TUSC3: variants seen among roughly 807,000 people sequenced by gnomAD.
TUSC3 encodes the protein dolichyl-diphosphooligosaccharide--protein glycosyltransferase subunit TUSC3.
TUSC3 carries 45 observed loss-of-function variants against 44.8 expected under a neutral mutation model. The ratio of observed to expected loss-of-function variants is 1.00; its 90% CI spans 0.79 to 1.29. The LOEUF is 1.29. TUSC3 is among the 50% of genes most tolerant of loss of function. TUSC3 has a pLI of 0.00. For synonymous variants in TUSC3, 212 were observed against 152.9 expected (o/e 1.39, Z -2.85); for missense variants, 519 against 437.9 (o/e 1.19, Z -1.65).
At chr8:15,583,125 A>G (rs957030379) in intron 1 of TUSC3, among the ~76,000 whole-genome samples, 10 of 152,238 alleles carry the variant, frequency 6.6e-5, no homozygotes, top group African/African-American at 2.4e-4. Flanking sequence ...GGCAATAAGA[A>G]TAAACTAGAA....
chr8:15,493,925 T>C (rs1019282496), intron 2 of TUSC3, among the ~76,000 whole-genome samples: 14 of 152,186 alleles, frequency 9.2e-5, no homozygotes, highest in African/African-American at 3.1e-4. Flanking sequence ...CCAATAAATA[T>C]GCTGTAACCT....
At chr8:15,634,230 C>A (rs980726) in intron 2 of TUSC3, among the ~76,000 whole-genome samples, 2 of 152,012 alleles carry the variant, frequency 1.3e-5, no homozygotes, top group Non-Finnish European at 2.9e-5. Flanking sequence ...CAAATGGGAC[C>A]TTCATCATTA....
At chr8:15,651,057 T>C (rs1806882152) in intron 3 of TUSC3, 4 of 463,144 alleles carry the variant, frequency 8.6e-6, no homozygotes, top group Non-Finnish European at 7.8e-6. Flanking sequence ...GTAAATACAA[T>C]AAGTAGTTAT....
the TUSC3 span, among the ~76,000 whole-genome samples, chr8:15,824,781 C>T: frequency 1.3e-5 from 2 of 152,136 alleles, no homozygotes; most frequent in African/African-American, 4.8e-5. Context: ...GTTCACTGTC[C>T]TATGTCTTTT....
chr8:15,438,781 C>A (rs1799983590), intron 1 of TUSC3, among the ~76,000 whole-genome samples: 1 of 152,144 alleles, frequency 6.6e-6, no homozygotes, highest in South Asian at 2.1e-4. Flanking sequence ...GTAAATTTCT[C>A]CTGACAATCC....
intron 2 of TUSC3, among the ~76,000 whole-genome samples, chr8:15,487,598 A>T (rs1406608301): frequency 6.6e-6 from 1 of 152,224 alleles, no homozygotes. Context: ...TACACAAGAT[A>T]ACACCAGGTC....
intron 6 of TUSC3, among the ~76,000 whole-genome samples, chr8:15,688,553 T>TA (rs1241707027): frequency 1.3e-5 from 2 of 152,146 alleles, no homozygotes; most frequent in Admixed American, 1.3e-4. Flanking sequence ...ATCAGCATAG[T>TA]ACCCGATGGG....
At chr8:15,483,048 C>A (rs1156257808) in intron 1 of TUSC3, among the ~76,000 whole-genome samples, 1 of 152,048 alleles carries the variant, frequency 6.6e-6, no homozygotes, top group African/African-American at 2.4e-5. Flanking sequence ...TTAATATTTG[C>A]AGAACATCAT....
chr8:15,784,496 GTA>G, the TUSC3 span, among the ~76,000 whole-genome samples: 610 of 140,624 alleles, frequency 4.3e-3, 2 homozygotes, highest in Non-Finnish European at 7.3e-3. Context: ...AATGTTATGT[GTA>G]TGTGTGTGTG....
intron 6 of TUSC3, among the ~76,000 whole-genome samples, chr8:15,699,978 G>A (rs542620078): frequency 6.6e-6 from 1 of 152,150 alleles, no homozygotes; most frequent in South Asian, 2.1e-4. Flanking sequence ...TTCCAATATT[G>A]CAACATTAGA....
chr8:15,779,321 G>A, the TUSC3 span, among the ~76,000 whole-genome samples: 4 of 151,974 alleles, frequency 2.6e-5, no homozygotes, highest in Non-Finnish European at 5.9e-5. Flanking sequence ...TCCCACCTGG[G>A]CTTCCCATAG....
At chr8:15,811,816 T>C in the TUSC3 span, among the ~76,000 whole-genome samples, 1 of 152,134 alleles carries the variant, frequency 6.6e-6, no homozygotes, top group Non-Finnish European at 1.5e-5. Context: ...TTAAGTTTCC[T>C]TGAGGGCTGT....
chr8:15,550,782 G>C (rs903660935), intron 1 of TUSC3, among the ~76,000 whole-genome samples: 2 of 151,132 alleles, frequency 1.3e-5, no homozygotes, highest in South Asian at 2.1e-4. Context: ...AGTGATTCTC[G>C]TGCCTCAGCC....
At chr8:15,844,026 T>C in the TUSC3 span, among the ~76,000 whole-genome samples, 10 of 152,198 alleles carry the variant, frequency 6.6e-5, no homozygotes, top group Non-Finnish European at 1.2e-4. Flanking sequence ...AATATCCTAA[T>C]CAATTTCAGC....
intron 2 of TUSC3, among the ~76,000 whole-genome samples, chr8:15,628,202 T>C (rs533253571): frequency 1.3e-5 from 2 of 152,174 alleles, no homozygotes; most frequent in Admixed American, 6.5e-5. Context: ...TGAAGAAATA[T>C]TTAATCATTA....
At chr8:15,695,830 A>G (rs1809134532) in intron 6 of TUSC3, among the ~76,000 whole-genome samples, 1 of 152,156 alleles carries the variant, frequency 6.6e-6, no homozygotes, top group African/African-American at 2.4e-5. Context: ...CCTGCCCTAG[A>G]GATTTGTGGA....
At chr8:15,549,850 G>A (rs900925373) in intron 1 of TUSC3, among the ~76,000 whole-genome samples, 1 of 151,604 alleles carries the variant, frequency 6.6e-6, no homozygotes, top group African/African-American at 2.4e-5. Context: ...GTAGCAGGAC[G>A]AGCCGCAGAC....
At chr8:15,750,233 C>T (rs926996168) in intron 9 of TUSC3, among the ~76,000 whole-genome samples, 1 of 151,990 alleles carries the variant, frequency 6.6e-6, no homozygotes, top group Non-Finnish European at 1.5e-5. Flanking sequence ...CCCACCTCGG[C>T]CTCCCAAAGT....
chr8:15,715,501 C>A (rs1810022692), intron 6 of TUSC3, among the ~76,000 whole-genome samples: 2 of 151,874 alleles, frequency 1.3e-5, no homozygotes, highest in South Asian at 4.1e-4. Context: ...GATTCGCAGC[C>A]CAAGGAGGAC....
Sources: gnomAD v4.1 joint callset for allele counts (sites outside exome capture counted in the v4.1 genomes callset) on GRCh38, gnomAD v4.1.1 for gene constraint, MANE v1.5 for transcripts, NCBI Gene and HGNC (gene_info 2026-07-23, HGNC 2026-07-21) for gene names.